SOX5: variants seen among roughly 807,000 people sequenced by gnomAD.
The protein encoded by SOX5 is transcription factor SOX-5.
A neutral mutation model predicts 92.0 loss-of-function variants in SOX5; 9 were observed. The observed-to-expected ratio is 0.10, with a 90% CI of 0.06 to 0.17. SOX5 has a LOEUF of 0.17. Ranked by LOEUF, SOX5 falls within the 10% of genes least tolerant of loss-of-function variation. SOX5 has a pLI of 1.00. For missense variants in SOX5, 642 were observed against 944.5 expected, an observed-to-expected ratio of 0.68 and a Z score of 4.20; for synonymous variants, 344 against 336.3, an observed-to-expected ratio of 1.02 and a Z score of -0.25.
chr12:24,189,359 G>A (rs12315618), intron 4 of SOX5, among the ~76,000 whole-genome samples: 5,832 of 152,158 alleles, frequency 0.038, 113 homozygotes, highest in South Asian at 0.065. Context: ...TAAATAAGAG[G>A]GCTCTTTCTC....
intron 3 of SOX5, among the ~76,000 whole-genome samples, chr12:24,258,088 G>A (rs544325110): frequency 5.7e-4 from 87 of 152,190 alleles, no homozygotes; most frequent in African/African-American, 2.0e-3. Context: ...CAGGAGAATC[G>A]CTTGAACCCG....
intron 3 of SOX5, among the ~76,000 whole-genome samples, chr12:24,243,055 T>C (rs1937796275): frequency 6.6e-6 from 1 of 152,148 alleles, no homozygotes; most frequent in African/African-American, 2.4e-5. Context: ...TGTTAAAGTG[T>C]TTATCTCTGG....
At chr12:24,003,774 T>C (rs1569464722) in intron 4 of SOX5, among the ~76,000 whole-genome samples, 1 of 151,842 alleles carries the variant, frequency 6.6e-6, no homozygotes, top group Non-Finnish European at 1.5e-5. Flanking sequence ...AGCAGGTTTT[T>C]TTTTTGGAAA....
chr12:24,503,382 A>G (rs1948413985), intron 1 of SOX5, among the ~76,000 whole-genome samples: 1 of 152,206 alleles, frequency 6.6e-6, no homozygotes, highest in Admixed American at 6.5e-5. Context: ...AAAGTAAGTA[A>G]AATGAAATGA....
intron 4 of SOX5, among the ~76,000 whole-genome samples, chr12:24,190,848 C>G (rs567204485): frequency 3.2e-4 from 48 of 152,252 alleles, no homozygotes; most frequent in Admixed American, 5.2e-4. Flanking sequence ...GGTATAACCT[C>G]TTTATATGAA....
At chr12:24,459,195 C>T (rs1189540827) in intron 1 of SOX5, among the ~76,000 whole-genome samples, 1 of 152,142 alleles carries the variant, frequency 6.6e-6, no homozygotes, top group Non-Finnish European at 1.5e-5. Context: ...GCTGGTTTAT[C>T]TGTGGTGACT....
At chr12:24,272,311 C>T (rs375104528) in intron 3 of SOX5, among the ~76,000 whole-genome samples, 1 of 152,078 alleles carries the variant, frequency 6.6e-6, no homozygotes, top group East Asian at 1.9e-4. Context: ...TAACTCATAT[C>T]GTGTGCCAAT....
chr12:24,229,070 G>C (rs982949465), intron 3 of SOX5, among the ~76,000 whole-genome samples: 1 of 152,180 alleles, frequency 6.6e-6, no homozygotes. Flanking sequence ...TGGCAGACAG[G>C]AGAACGCCCC....
chr12:23,936,009 T>C (rs1011031613), intron 1 of SOX5, among the ~76,000 whole-genome samples: 2 of 151,074 alleles, frequency 1.3e-5, no homozygotes, highest in African/African-American at 4.8e-5. Flanking sequence ...TTTTCTTCAT[T>C]TGTGAAATGA....
chr12:23,714,095 A>T (rs2140418242), intron 6 of SOX5, among the ~76,000 whole-genome samples: 1 of 151,728 alleles, frequency 6.6e-6, no homozygotes, highest in South Asian at 2.1e-4. Context: ...CGCCTCAAAA[A>T]AAAAAAAAAA....
chr12:23,632,831 G>T (rs534988106), intron 8 of SOX5, among the ~76,000 whole-genome samples: 2 of 152,072 alleles, frequency 1.3e-5, no homozygotes, highest in Admixed American at 1.3e-4. Flanking sequence ...CTCTATTCCA[G>T]AGAATGCATG....
At chr12:23,630,232 GA>G (rs1371940609) in intron 8 of SOX5, among the ~76,000 whole-genome samples, 1 of 151,748 alleles carries the variant, frequency 6.6e-6, no homozygotes, top group Non-Finnish European at 1.5e-5. Flanking sequence ...TACCTCCATG[GA>G]AAAATGGGAA....
intron 4 of SOX5, among the ~76,000 whole-genome samples, chr12:24,017,088 G>A (rs996373867): frequency 2.0e-5 from 3 of 152,132 alleles, no homozygotes; most frequent in African/African-American, 7.2e-5. Context: ...AGGCAGTGTC[G>A]AGCCACTGGT....
At chr12:24,378,248 T>C (rs1429086361) in intron 1 of SOX5, among the ~76,000 whole-genome samples, 2 of 152,236 alleles carry the variant, frequency 1.3e-5, no homozygotes, top group Admixed American at 1.3e-4. Flanking sequence ...ATTTCATTAA[T>C]AACCGGGGTC....
chr12:24,391,149 T>C (rs1958951071), intron 1 of SOX5, among the ~76,000 whole-genome samples: 3 of 152,182 alleles, frequency 2.0e-5, no homozygotes, highest in Admixed American at 2.0e-4. Flanking sequence ...TCACTGTGGT[T>C]TTAATTTGCA....
At chr12:24,111,300 T>C (rs1335860976) in intron 4 of SOX5, among the ~76,000 whole-genome samples, 1 of 152,194 alleles carries the variant, frequency 6.6e-6, no homozygotes, top group Non-Finnish European at 1.5e-5. Context: ...AGGGCAAAGA[T>C]GACAGTCATC....
chr12:24,143,852 A>AAAGAAGAAG lies in SOX5; in HGVS notation c.-2+69482_-2+69490dup, dbSNP rs1363003149. On this transcript the variant is annotated intron_variant, in intron 4 of 4. Coordinates refer to the SOX5 transcript ENST00000446891. The stretch of plus-strand genomic sequence containing the variant: ...AAAGAGGAGGAGGAAGAGGAGGAGG[A>AAAGAAGAAG]AAGAAGAAGGAGGAGAAGGAGGAGG... 9.2e-5 allele frequency among the ~76,000 whole-genome samples: 14 copies of AAAGAAGAAG among 151,618 alleles called. No homozygotes were observed. The East Asian group carries it at 2.5e-3, about 27-fold the overall frequency.
chr12:24,446,160 T>C lies in SOX5; in HGVS notation c.-250-77521A>G, dbSNP rs534087744. ...AGAGAGATAAGACCCTACCTACATA[T>C]ATTCTAATGGTGAGAGCAGGCAGAT... On this transcript the variant is annotated intron_variant, in intron 1 of 4. Transcript: ENST00000446891. Among the ~76,000 whole-genome samples, 201 of 152,270 alleles carry C rather than the reference T, an allele frequency of 1.3e-3. 1 individual carries two copies. The South Asian group carries it at 0.015, about 11-fold the overall frequency.
At chr12:24,394,974 C>T (rs1397311229) in intron 1 of SOX5, among the ~76,000 whole-genome samples, 1 of 152,132 alleles carries the variant, frequency 6.6e-6, no homozygotes, top group Non-Finnish European at 1.5e-5. Context: ...TTTCCCCTAA[C>T]ACAAAGCTTG....
Sources: gnomAD v4.1 joint callset for allele counts (sites outside exome capture counted in the v4.1 genomes callset) on GRCh38, gnomAD v4.1.1 for gene constraint, MANE v1.5 for transcripts, NCBI Gene and HGNC (gene_info 2026-07-23, HGNC 2026-07-21) for gene names.